The following TYRO3 variants were observed in gnomAD, a reference collection of about 807,000 sequenced individuals.
TYRO3 encodes tyrosine-protein kinase receptor TYRO3.
A neutral mutation model predicts 95.2 loss-of-function variants in TYRO3; 38 were observed. The ratio of observed to expected loss-of-function variants is 0.40; its 90% CI spans 0.31 to 0.52. TYRO3 has a LOEUF of 0.52. Among genes scored for constraint, TYRO3 ranks in the 20% least tolerant of loss-of-function variants. TYRO3 has a pLI of 0.56. For synonymous variants in TYRO3, 367 were observed against 432.9 expected (o/e 0.85, Z 1.89); for missense variants, 812 against 1,116.4 (o/e 0.73, Z 3.89).
rs904996448 is a variant in TYRO3, at chr15:41,582,661, A to G, written c.*4385A>G. Reference sequence around the variant, plus strand: ...TGTGCCATGGCACTCCAGCCTGGACAAGAGTGAGACTCCATCTCAAAAAAG... The same window carrying G: ...TGTGCCATGGCACTCCAGCCTGGACGAGAGTGAGACTCCATCTCAAAAAAG... On this transcript the variant is annotated 3_prime_UTR_variant, in exon 19 of 19. Transcript: ENST00000263798. The G allele has an allele frequency of 3.9e-5, 6 of 152,082 alleles. No homozygotes were observed. Among genetic ancestry groups the G allele is most frequent in the Admixed American group, 3.3e-4 (5 of 15,236 alleles). 9.4% of individuals were successfully genotyped at this position (152,082 alleles called of 1,614,324 possible). A position where few individuals can be genotyped will look rare whatever the true frequency, so the allele number is the denominator to read the frequency against.
chr15:41,577,945 G>C lies in TYRO3; in HGVS notation c.2342G>C (p.Cys781Ser), dbSNP rs146093432. Reference protein sequence around the residue: ...ADPKQRPSFTCLRMELENILG... With the variant: ...ADPKQRPSFTSLRMELENILG... ...CCCAAGCAGCGCCCGAGCTTTACTT[G>C]TCTGCGAATGGAACTGGAGAACATC... The change falls in exon 19 of 19, where the codon TGT (cysteine) becomes TCT (serine). Residue 781 changes from cysteine (C) to serine (S), a missense_variant. Cys to Ser is a moderately radical substitution (Grantham distance 112). Transcript: ENST00000263798. The C allele has an allele frequency of 3.1e-6, 5 of 1,613,444 alleles. No individual in the cohort carries two copies. The African/African-American group carries it at 6.7e-5, about 22-fold the overall frequency.
rs776454623 is a variant in TYRO3 at position 41,573,464 on chromosome 15, C to A, written c.2142C>A (p.Asp714Glu). 1.2e-6 allele frequency: 2 copies of A among 1,614,042 alleles called. No individual in the cohort carries two copies. The highest frequency in any genetic ancestry group is 2.7e-5 in the African/African-American group (2 of 74,922). Residue 714 changes from aspartate (D) to glutamate (E), a missense_variant, in exon 17 of 19, where the codon GAC becomes GAA. Asp to Glu is a conservative substitution (Grantham distance 45). Transcript: ENST00000263798. The stretch of plus-strand genomic sequence containing the variant: ...ACAACCTGTATACTGTGCAGAGTGA[C>A]GTGGTGAGCAGGGTGGCCCGTGAAG... The part of the protein sequence containing the change: ...LADNLYTVQS[D>E]VWAFGVTMWE...
rs1595508923 is a variant in TYRO3, at chr15:41,581,862, T to G, written c.*3586T>G. 1 of 143,582 alleles carries G rather than the reference T, an allele frequency of 7.0e-6. No homozygotes were observed. Among genetic ancestry groups the G allele is most frequent in the Non-Finnish European group, 1.5e-5 (1 of 66,300 alleles). 8.9% of individuals were successfully genotyped at this position (143,582 alleles called of 1,614,324 possible). ...AAAAAAAAAAAGAGGCCAGGCATGG[T>G]GGCTCACGCCTATAATCCCAGCGCT... On this transcript the variant is annotated 3_prime_UTR_variant, in exon 19 of 19. Transcript: ENST00000263798.
At position 41,578,163 on chromosome 15, in the gene TYRO3, G is replaced by C. The variant is rs776938696; in HGVS notation, c.2560G>C (p.Gly854Arg). Residue 854 changes from glycine to arginine, a missense_variant, in exon 19 of 19, where the codon GGA becomes CGA. Gly to Arg is a moderately radical substitution (Grantham distance 125, BLOSUM62 -2). Coordinates refer to ENST00000263798, the MANE Select transcript of TYRO3 (RefSeq NM_006293.4). ...PSDCRYILTP[G>R]GLAEQPGQAE... ...TGACTGTCGGTACATACTCACCCCC[G>C]GAGGGCTGGCTGAGCAGCCAGGGCA... The C allele has an allele frequency of 6.8e-6, 11 of 1,613,922 alleles. No homozygotes were observed. Among genetic ancestry groups the C allele is most frequent in the Non-Finnish European group, 9.3e-6 (11 of 1,180,026 alleles).
At chr15:41,567,789 GTCTGAAGGATAAAGA>G (rs1266061820) in intron 7 of TYRO3, among the ~76,000 whole-genome samples, 7 of 152,202 alleles carry the variant, frequency 4.6e-5, no homozygotes, top group African/African-American at 1.2e-4. Flanking sequence ...CCCTAAAAAG[GTCTGAAGGATAAAGA>G]TCTGAAGGAT....
chr15:41,572,008 AC>A (rs1413965493), intron 14 of TYRO3, among the ~76,000 whole-genome samples: 3 of 151,156 alleles, frequency 2.0e-5, no homozygotes, highest in Non-Finnish European at 3.0e-5. Flanking sequence ...AAAAAAAAAA[AC>A]AAAACAAAAA....
At chr15:41,570,934 C>T in intron 12 of TYRO3, 104 bp from the exon 13 acceptor site, 1 of 1,299,732 alleles carries the variant, frequency 7.7e-7, no homozygotes, top group Non-Finnish European at 1.1e-6. Context: ...TCTCCACTGG[C>T]CCCAGAGTCT....
In TYRO3 at chr15:41,579,595, C is replaced by T. The variant is rs1352602529; in HGVS notation, c.*1319C>T. 1 of 152,250 alleles carries T rather than the reference C, an allele frequency of 6.6e-6. No individual in the cohort carries two copies. Among genetic ancestry groups the T allele is most frequent in the East Asian group, 1.9e-4 (1 of 5,184 alleles). 9.4% of individuals were successfully genotyped at this position (152,250 alleles called of 1,614,324 possible). Reference sequence around the variant, plus strand: ...GAACTCATGACCTCAAGTGATCTGCCTGCCTTGGCCTCCCAAAGTGCTGGG... The same window carrying T: ...GAACTCATGACCTCAAGTGATCTGCTTGCCTTGGCCTCCCAAAGTGCTGGG... On this transcript the variant is annotated 3_prime_UTR_variant, in exon 19 of 19. Coordinates refer to ENST00000263798, the MANE Select transcript of TYRO3 (RefSeq NM_006293.4).
At chr15:41,560,388 C>CGTGTTTGTGTGTGTGTGT (rs1177291795) in intron 1 of TYRO3, among the ~76,000 whole-genome samples, 1 of 72,058 alleles carries the variant, frequency 1.4e-5, no homozygotes, top group Non-Finnish European at 3.3e-5. Context: ...AGGAGAGGTG[C>CGTGTTTGTGTGTGTGTGT]GTGTATGTGT....
chr15:41,560,428 TGCGC>T lies in TYRO3; in HGVS notation c.125-684_125-681del, dbSNP rs150653270. On this transcript the variant is annotated intron_variant, in intron 1 of 18. Transcript: ENST00000263798. Reference sequence around the variant, plus strand: ...GTGTGTGTGTGTGTGTGTGTGTGTGTGCGCGCGCGCGCGCGCGCTCGCACGCAAG... The same window carrying T: ...GTGTGTGTGTGTGTGTGTGTGTGTGTGCGCGCGCGCGCGCTCGCACGCAAG... Among the ~76,000 whole-genome samples, 280 of 135,248 alleles carry T rather than the reference TGCGC, an allele frequency of 2.1e-3. 4 individuals are homozygous for T. The highest frequency in any genetic ancestry group is 4.1e-3 in the African/African-American group (138 of 33,558). 88.7% of individuals were successfully genotyped at this position (135,248 alleles called of 152,430 possible).
chr15:41,561,284 C>G lies in TYRO3; in HGVS notation c.282C>G (p.Ser94Arg). 1.2e-6 allele frequency: 2 copies of G among 1,613,578 alleles called. No homozygotes were observed. The highest frequency in any genetic ancestry group is 1.7e-6 in the Non-Finnish European group (2 of 1,179,634). Residue 94 changes from serine (S) to arginine (R), a missense_variant, in exon 2 of 19, where the codon AGC (serine) becomes AGG (arginine). By Grantham distance (110) the Ser-to-Arg change is moderately radical. Coordinates refer to ENST00000263798, the MANE Select transcript of TYRO3 (RefSeq NM_006293.4). Reference protein sequence around the residue: ...QNLDQLYIPVSEQHWIGFLSL... With the variant: ...QNLDQLYIPVREQHWIGFLSL... Reference sequence around the variant, plus strand: ...TGGACCAGTTGTACATCCCAGTCAGCGAGCAGCACTGGATCGGCTTCCTCA... The same window carrying G: ...TGGACCAGTTGTACATCCCAGTCAGGGAGCAGCACTGGATCGGCTTCCTCA...
At chr15:41,569,160 C>A in intron 9 of TYRO3, 138 bp downstream of exon 9, 2 of 1,034,750 alleles carry the variant, frequency 1.9e-6, no homozygotes, top group Non-Finnish European at 2.7e-6. Flanking sequence ...GAGGCCAGGG[C>A]TGTTTAAACT....
At chr15:41,573,257 G>A (rs753283722) in intron 16 of TYRO3, 51 bp from the exon 17 acceptor site, 5 of 1,541,836 alleles carry the variant, frequency 3.2e-6, no homozygotes, top group Non-Finnish European at 4.4e-6. Context: ...GGCTCTTGTG[G>A]GCCTGTGAGC....
intron 13 of TYRO3, 142 bp from the exon 14 acceptor site, chr15:41,571,453 G>A: frequency 1.5e-6 from 1 of 658,440 alleles, no homozygotes; most frequent in South Asian, 1.8e-5. Flanking sequence ...CACTCCTTGG[G>A]GGTTTCTCCT....
At position 41,573,670 on chromosome 15, in the gene TYRO3, C is replaced by A; in HGVS notation, c.2146-9C>A. ...GACAGCTTCTCCCCCAACCTCGATT[C>A]TGTCCCAGTGGGCGTTCGGGGTGAC... On this transcript the variant is annotated splice_polypyrimidine_tract_variant and intron_variant, in intron 17 of 18. Transcript: ENST00000263798. 8.5e-7 allele frequency: 1 copy of A among 1,170,928 alleles called. No individual in the cohort carries two copies. The highest frequency in any genetic ancestry group is 1.2e-6 in the Non-Finnish European group (1 of 836,078). 72.5% of individuals were successfully genotyped at this position (1,170,928 alleles called of 1,614,324 possible).
At position 41,564,344 on chromosome 15, in the gene TYRO3, C is replaced by T. The variant is rs1014732098; in HGVS notation, c.667+74C>T. The T allele has an allele frequency of 6.1e-6, 9 of 1,463,612 alleles. No individual in the cohort carries two copies. In the African/African-American group the frequency reaches 7.0e-5, roughly 11 times the overall value. 90.7% of individuals were successfully genotyped at this position (1,463,612 alleles called of 1,614,324 possible). ...CAGCGAGCTGTCCAGCAGTTAGAATCATTCTGTGTTCCAGCTCCCCTTGTG... is the reference window on the plus strand; with the variant it reads ...CAGCGAGCTGTCCAGCAGTTAGAATTATTCTGTGTTCCAGCTCCCCTTGTG... On this transcript the variant is annotated intron_variant, in intron 5 of 18. Coordinates refer to ENST00000263798, the MANE Select transcript of TYRO3 (RefSeq NM_006293.4).
At chr15:41,563,383 G>C (rs2055681224) in intron 4 of TYRO3, among the ~76,000 whole-genome samples, 1 of 152,130 alleles carries the variant, frequency 6.6e-6, no homozygotes. Flanking sequence ...CTTGAATTGG[G>C]CAAAAAAGAT....
At chr15:41,569,130 A>T in intron 9 of TYRO3, 108 bp downstream of exon 9, 1 of 1,342,172 alleles carries the variant, frequency 7.5e-7, no homozygotes, top group Non-Finnish European at 1.0e-6. Flanking sequence ...TAGTAGACCC[A>T]CAGACAGAGT....
rs576274001 is a variant in TYRO3 at position 41,575,933 on chromosome 15, C to T, written c.2283-1953C>T. ...CAGCCTGACCAACATAGAGAAACCC[C>T]GCCTCTATTAAAAATACAAAATTAG... On this transcript the variant is annotated intron_variant, in intron 18 of 18. Transcript: ENST00000263798. Among the ~76,000 whole-genome samples the T allele has an allele frequency of 1.1e-4, 16 of 151,886 alleles. No homozygotes were observed. In the South Asian group the frequency reaches 2.3e-3, roughly 22 times the overall value.
Sources: allele counts gnomAD v4.1 joint callset (sites outside exome capture counted in the v4.1 genomes callset), GRCh38; gene constraint gnomAD v4.1.1; transcripts MANE v1.5; gene names NCBI Gene and HGNC (gene_info 2026-07-23, HGNC 2026-07-21).